Variants in FAM241A observed in about 807,000 individuals in gnomAD.
The protein encoded by FAM241A is family with sequence similarity 241 member A.
In FAM241A, 7 loss-of-function variants were observed where a neutral mutation model predicts 12.2. That is an observed-to-expected ratio of 0.58 (90% CI 0.33 to 1.08). The LOEUF is 1.08. Ranked by LOEUF, FAM241A falls within the 50% of genes least tolerant of loss-of-function variation. FAM241A has a pLI of 0.04. For synonymous variants in FAM241A, 74 were observed against 68.2 expected (o/e 1.08, Z -0.42); for missense variants, 161 against 169.7 (o/e 0.95, Z 0.29).
rs183772166 is a variant in FAM241A, at chr4:112,145,461, C to A, written c.-120C>A. On this transcript the variant is annotated 5_prime_UTR_variant, in exon 1 of 2. Transcript: ENST00000309733. ...CCCAGGCCGGCGGGGCGCGCTCCGG[C>A]GGCTCCTGTCAGCGGCGGGTGCGGC... is the stretch of plus-strand genomic sequence containing the variant. The A allele has an allele frequency of 2.7e-3, 2,740 of 1,017,010 alleles. 66 individuals carry two copies. In the Admixed American group the frequency reaches 0.048, roughly 18 times the overall value. 63.0% of individuals were successfully genotyped at this position (1,017,010 alleles called of 1,614,324 possible). A position where few individuals can be genotyped will look rare whatever the true frequency, so the allele number is the denominator to read the frequency against.
chr4:112,159,355 C>T (rs1005118589), intron 1 of FAM241A, among the ~76,000 whole-genome samples: 23 of 152,132 alleles, frequency 1.5e-4, no homozygotes, highest in African/African-American at 5.1e-4. Flanking sequence ...TGTAAGCAAA[C>T]GCAAATTCTT....
chr4:112,178,426 AATTAAATAGGGAGTCCTCAACACC>A (rs1403507776), intron 1 of FAM241A, among the ~76,000 whole-genome samples: 1 of 152,172 alleles, frequency 6.6e-6, no homozygotes, highest in Non-Finnish European at 1.5e-5. Context: ...ATGACTAGCC[AATTAAATAGGGAGTCCTCAACACC>A]ATTAAATAGG....
At position 112,171,947 on chromosome 4, in the gene FAM241A, A is replaced by G. The variant is rs139490174; in HGVS notation, c.154-14746A>G. Among the ~76,000 whole-genome samples the G allele has an allele frequency of 2.4e-4, 37 of 152,360 alleles. 2 individuals carry two copies. The East Asian group carries it at 6.9e-3, about 29-fold the overall frequency. ...CTGATGTAAGTGAATCAAGACAAGT[A>G]TAACTAAACTGCTTTTAAAAACTGA... On this transcript the variant is annotated intron_variant, in intron 1 of 1. Transcript: ENST00000309733.
chr4:112,177,262 CT>C (rs1048576061), intron 1 of FAM241A, among the ~76,000 whole-genome samples: 3 of 150,094 alleles, frequency 2.0e-5, no homozygotes, highest in Admixed American at 6.7e-5. Context: ...ACTCATTTTG[CT>C]GTGTAAAATG....
At position 112,193,217 on chromosome 4, in the gene FAM241A, G is replaced by T. The variant is rs1274468757; in HGVS notation, c.*6279G>T. 6.6e-6 allele frequency: 1 copy of T among 151,498 alleles called. No individual in the cohort carries two copies. The highest frequency in any genetic ancestry group is 1.5e-5 in the Non-Finnish European group (1 of 67,860). 9.4% of individuals were successfully genotyped at this position (151,498 alleles called of 1,614,324 possible). On this transcript the variant is annotated 3_prime_UTR_variant, in exon 2 of 2. Transcript: ENST00000309733. Reference sequence around the variant, plus strand: ...TTGTTTGTTTTTTTCTTGTAAATTTGTTTGAGTTCATTGTAGATTCTGGAT... The same window carrying T: ...TTGTTTGTTTTTTTCTTGTAAATTTTTTTGAGTTCATTGTAGATTCTGGAT...
chr4:112,178,516 A>G (rs1221505876), intron 1 of FAM241A, among the ~76,000 whole-genome samples: 3 of 152,118 alleles, frequency 2.0e-5, no homozygotes, highest in African/African-American at 7.2e-5. Flanking sequence ...AAATATTTAC[A>G]TGTAAGACCT....
intron 1 of FAM241A, among the ~76,000 whole-genome samples, chr4:112,153,119 T>C (rs1723276896): frequency 1.3e-5 from 2 of 152,210 alleles, no homozygotes; most frequent in Non-Finnish European, 2.9e-5. Flanking sequence ...TGTGAAACAA[T>C]GTATCTAATG....
At chr4:112,171,644 G>T in intron 1 of FAM241A, 2 of 503,920 alleles carry the variant, frequency 4.0e-6, no homozygotes, top group East Asian at 7.4e-5. Context: ...CGAATCACGA[G>T]GTTAGGAGAT....
chr4:112,159,133 G>C (rs1723411428), intron 1 of FAM241A, among the ~76,000 whole-genome samples: 1 of 152,132 alleles, frequency 6.6e-6, no homozygotes, highest in Admixed American at 6.5e-5. Flanking sequence ...AGCTCACTGA[G>C]GTAATAGTTG....
intron 1 of FAM241A, among the ~76,000 whole-genome samples, chr4:112,159,667 A>G (rs543805009): frequency 6.6e-6 from 1 of 152,362 alleles, no homozygotes; most frequent in African/African-American, 2.4e-5. Flanking sequence ...AGAATGAGGG[A>G]TAAAAACCAT....
intron 1 of FAM241A, among the ~76,000 whole-genome samples, chr4:112,161,799 A>G (rs568440317): frequency 6.6e-6 from 1 of 152,286 alleles, no homozygotes; most frequent in Non-Finnish European, 1.5e-5. Context: ...ATCCTTCCTA[A>G]CTCATTTTAT....
At position 112,186,911 on chromosome 4, in the gene FAM241A, C is replaced by A. The variant is rs199842368; in HGVS notation, c.372C>A (p.Cys124Ter). 3.1e-5 allele frequency: 50 copies of A among 1,613,594 alleles called. No individual in the cohort carries two copies. The East Asian group carries it at 1.0e-3, about 33-fold the overall frequency. The change falls in exon 2 of 2, where the codon TGC (cysteine) becomes TGA (stop). Residue 124 changes from cysteine (C) to a stop codon, truncating the protein, a stop_gained. Transcript: ENST00000309733. LOFTEE classifies it high-confidence loss of function. ...CCCTTGGACTAGTTGCTGTTCTTTGCCTTGTTATTATTTATGTGCAACAGT... is the reference window on the plus strand; with the variant it reads ...CCCTTGGACTAGTTGCTGTTCTTTGACTTGTTATTATTTATGTGCAACAGT... ...LQALGLVAVL[C>*]LVIIYVQQ
At chr4:112,155,644 T>C (rs1486749314) in intron 1 of FAM241A, among the ~76,000 whole-genome samples, 1 of 152,000 alleles carries the variant, frequency 6.6e-6, no homozygotes, top group African/African-American at 2.4e-5. Flanking sequence ...TGCAACTTCA[T>C]GTAGAGTCCA....
At position 112,186,999 on chromosome 4, in the gene FAM241A, A is replaced by G. The variant is rs1307393346; in HGVS notation, c.*61A>G. 1.5e-5 allele frequency: 23 copies of G among 1,541,226 alleles called. No individual in the cohort carries two copies. The Middle Eastern group carries it at 1.2e-3, about 82-fold the overall frequency. On this transcript the variant is annotated 3_prime_UTR_variant, in exon 2 of 2. Transcript: ENST00000309733. ...CCATATATGTAATTGAAGAAGTTAT[A>G]TATTTCACTTTTTGACAACCGAAAA...
intron 1 of FAM241A, among the ~76,000 whole-genome samples, chr4:112,179,301 A>G (rs1210243241): frequency 6.6e-6 from 1 of 152,156 alleles, no homozygotes; most frequent in African/African-American, 2.4e-5. Context: ...AAGACTTGGA[A>G]CCAACCCAAA....
At chr4:112,184,191 ACT>A (rs1297561167) in intron 1 of FAM241A, among the ~76,000 whole-genome samples, 2 of 152,106 alleles carry the variant, frequency 1.3e-5, no homozygotes, top group African/African-American at 4.8e-5. Flanking sequence ...TGTTCTTCTC[ACT>A]CTTTTTCTGA....
rs1454735592 is a variant in FAM241A at position 112,193,508 on chromosome 4, T to C, written c.*6570T>C. ...CTGACATGTAAGTCTTTAATCCATC[T>C]TGAAATAATTTTTGTATAAGGTGTA... On this transcript the variant is annotated 3_prime_UTR_variant, in exon 2 of 2. Coordinates refer to ENST00000309733, the MANE Select transcript of FAM241A (RefSeq NM_152400.3). 2.0e-5 allele frequency: 3 copies of C among 152,262 alleles called. No homozygotes were observed. Among genetic ancestry groups the C allele is most frequent in the Non-Finnish European group, 4.4e-5 (3 of 68,062 alleles). 9.4% of individuals were successfully genotyped at this position (152,262 alleles called of 1,614,324 possible). A position where few individuals can be genotyped will look rare whatever the true frequency, so the allele number is the denominator to read the frequency against.
At chr4:112,180,630 A>T (rs1356243354) in intron 1 of FAM241A, among the ~76,000 whole-genome samples, 1 of 152,190 alleles carries the variant, frequency 6.6e-6, no homozygotes, top group Non-Finnish European at 1.5e-5. Context: ...TAAAATTGCT[A>T]TAAAAGTTTC....
chr4:112,168,226 A>G (rs1257692584), intron 1 of FAM241A, among the ~76,000 whole-genome samples: 1 of 152,268 alleles, frequency 6.6e-6, no homozygotes, highest in Non-Finnish European at 1.5e-5. Flanking sequence ...TTTCACAAGA[A>G]ATGTCACAGA....
Sources: gnomAD v4.1 joint callset for allele counts (sites outside exome capture counted in the v4.1 genomes callset) on GRCh38, gnomAD v4.1.1 for gene constraint, MANE v1.5 for transcripts, NCBI Gene and HGNC (gene_info 2026-07-23, HGNC 2026-07-21) for gene names.